Variants in MAF observed in about 807,000 individuals in gnomAD.
MAF encodes the protein MAF bZIP transcription factor, also known as transcription factor Maf.
A neutral mutation model predicts 22.0 loss-of-function variants in MAF; 10 were observed. The ratio of observed to expected loss-of-function variants is 0.45; its 90% CI spans 0.28 to 0.77. The LOEUF is 0.77. Ranked by LOEUF, MAF falls within the 30% of genes least tolerant of loss-of-function variation. The pLI is 0.12. For synonymous variants in MAF, 337 were observed against 255.8 expected (o/e 1.32, Z -3.03); for missense variants, 544 against 548.4 (o/e 0.99, Z 0.08).
chr16:79,371,332 C>T, the MAF span, among the ~76,000 whole-genome samples: 1 of 152,130 alleles, frequency 6.6e-6, no homozygotes, highest in Non-Finnish European at 1.5e-5. Flanking sequence ...TCACCTCTGC[C>T]ATATTGTACT....
the MAF span, among the ~76,000 whole-genome samples, chr16:79,213,213 T>C: frequency 6.6e-6 from 1 of 152,318 alleles, no homozygotes; most frequent in East Asian, 1.9e-4. Flanking sequence ...CTGGGTGTCA[T>C]TGTTCCCCCT....
the MAF span, among the ~76,000 whole-genome samples, chr16:79,453,364 A>G: frequency 1.1e-4 from 17 of 152,276 alleles, no homozygotes; most frequent in African/African-American, 3.4e-4. Flanking sequence ...ATCCGGTAAC[A>G]ATTTTTAAAT....
chr16:79,418,688 A>T, the MAF span, among the ~76,000 whole-genome samples: 1 of 152,222 alleles, frequency 6.6e-6, no homozygotes, highest in African/African-American at 2.4e-5. Flanking sequence ...ACATATGGCA[A>T]CATGATCCCC....
the MAF span, among the ~76,000 whole-genome samples, chr16:79,438,752 A>T: frequency 6.6e-6 from 1 of 152,276 alleles, no homozygotes; most frequent in Admixed American, 6.5e-5. Flanking sequence ...CATGTCCCAG[A>T]GGCATTGAGA....
At chr16:79,402,115 G>A in the MAF span, among the ~76,000 whole-genome samples, 1 of 152,182 alleles carries the variant, frequency 6.6e-6, no homozygotes, top group Non-Finnish European at 1.5e-5. Context: ...CCTGAGGCTA[G>A]CAGCTTAAGC....
the MAF span, among the ~76,000 whole-genome samples, chr16:79,216,873 G>A: frequency 3.3e-5 from 5 of 150,654 alleles, no homozygotes; most frequent in African/African-American, 4.9e-5. Context: ...GCAGCGGCAC[G>A]ATCTTTGCTC....
chr16:79,291,585 G>A, the MAF span, among the ~76,000 whole-genome samples: 1 of 151,072 alleles, frequency 6.6e-6, no homozygotes, highest in African/African-American at 2.4e-5. Context: ...CCTATCTGGG[G>A]GTGAGTTCTG....
At chr16:79,476,582 C>G in the MAF span, among the ~76,000 whole-genome samples, 1 of 152,180 alleles carries the variant, frequency 6.6e-6, no homozygotes, top group Admixed American at 6.5e-5. Flanking sequence ...TACATGTTCT[C>G]TCTGACCCTC....
the MAF span, among the ~76,000 whole-genome samples, chr16:79,281,224 G>GAAAAAAAAA: frequency 7.0e-6 from 1 of 143,052 alleles, no homozygotes. Flanking sequence ...GTTTCAATAT[G>GAAAAAAAAA]AAAAAAAAAA....
chr16:79,281,324 A>G, the MAF span, among the ~76,000 whole-genome samples: 1 of 152,148 alleles, frequency 6.6e-6, no homozygotes, highest in African/African-American at 2.4e-5. Context: ...AAGATGAAAG[A>G]AAGCCTCTAA....
the MAF span, among the ~76,000 whole-genome samples, chr16:79,259,234 G>C: frequency 5.3e-5 from 8 of 152,106 alleles, no homozygotes; most frequent in African/African-American, 1.9e-4. Context: ...TTGGCCTTCT[G>C]TCTGCTCCTG....
chr16:79,368,973 C>T, the MAF span, among the ~76,000 whole-genome samples: 1 of 152,200 alleles, frequency 6.6e-6, no homozygotes, highest in African/African-American at 2.4e-5. Flanking sequence ...GCTGTCTCCT[C>T]CTACCAGAGA....
downstream of MAF, among the ~76,000 whole-genome samples, chr16:79,581,672 G>GA (rs5818246): frequency 0.22 from 32,691 of 152,036 alleles, 3,888 homozygotes; most frequent in East Asian, 0.46. Flanking sequence ...CACTGCATGT[G>GA]AAAAAAACAC....
the MAF span, among the ~76,000 whole-genome samples, chr16:79,221,368 A>C: frequency 6.6e-6 from 1 of 152,202 alleles, no homozygotes; most frequent in African/African-American, 2.4e-5. Flanking sequence ...TTTCTGAACA[A>C]GAATCCAGAA....
intron 1 of MAF, among the ~76,000 whole-genome samples, chr16:79,586,304 A>G (rs1912836339): frequency 6.6e-6 from 1 of 152,162 alleles, no homozygotes; most frequent in Admixed American, 6.5e-5. Flanking sequence ...GATTTGAATC[A>G]TTTCTGTTGG....
chr16:79,323,031 T>C, the MAF span, among the ~76,000 whole-genome samples: 2 of 151,232 alleles, frequency 1.3e-5, no homozygotes, highest in African/African-American at 4.9e-5. Context: ...GCGCCTGTAG[T>C]CCCAGTCACT....
chr16:79,267,868 G>C, the MAF span, among the ~76,000 whole-genome samples: 1 of 152,262 alleles, frequency 6.6e-6, no homozygotes, highest in East Asian at 1.9e-4. Context: ...AAGACTAGGA[G>C]GTGGGAGTGA....
the MAF span, among the ~76,000 whole-genome samples, chr16:79,565,739 T>G: frequency 6.6e-6 from 1 of 152,202 alleles, no homozygotes. Context: ...CTTTCCTTTA[T>G]AAATTACCCA....
chr16:79,289,221 A>C, the MAF span, among the ~76,000 whole-genome samples: 1 of 152,164 alleles, frequency 6.6e-6, no homozygotes, highest in Admixed American at 6.5e-5. Context: ...CTGGTGTTTC[A>C]AAAGTGCTCT....
Sources: allele counts gnomAD v4.1 joint callset (sites outside exome capture counted in the v4.1 genomes callset), GRCh38; gene constraint gnomAD v4.1.1; transcripts MANE v1.5; gene names NCBI Gene and HGNC (gene_info 2026-07-23, HGNC 2026-07-21).